NID2: variants seen among roughly 807,000 people sequenced by gnomAD.
NID2 encodes nidogen-2.
In NID2, 83 loss-of-function variants were observed where a neutral mutation model predicts 145.4. That is an observed-to-expected ratio of 0.57 (90% CI 0.48 to 0.69). The LOEUF (loss-of-function observed/expected upper bound fraction) is 0.69. Ranked by LOEUF, NID2 falls within the 30% of genes least tolerant of loss-of-function variation. The pLI, the probability that NID2 is intolerant of heterozygous loss-of-function variation, is 0.00. For missense variants in NID2, 1,807 were observed against 1,765.7 expected, an observed-to-expected ratio of 1.02 and a Z score of -0.42; for synonymous variants, 739 against 701.3, an observed-to-expected ratio of 1.05 and a Z score of -0.85.
chr14:52,030,486 AAAGAAAGAAAGAAAGAGAAAGAAAG>A (rs1566755188), intron 9 of NID2, among the ~76,000 whole-genome samples: 18 of 100,686 alleles, frequency 1.8e-4, no homozygotes, highest in African/African-American at 6.5e-4. Flanking sequence ...GAAAGAAAAG[AAAGAAAGAAAGAAAGAGAAAGAAAG>A]AAAGAAAAGA....
rs139099818 is a variant in NID2 at position 52,058,986 on chromosome 14, G to A, written c.767+1138C>T. Among the ~76,000 whole-genome samples the A allele has an allele frequency of 3.7e-3, 566 of 151,974 alleles. 4 individuals are homozygous for A. The highest frequency in any genetic ancestry group is 0.013 in the African/African-American group (543 of 41,462). On this transcript the variant is annotated intron_variant, in intron 3 of 21. Transcript: ENST00000216286. The stretch of plus-strand genomic sequence containing the variant: ...ATGCCCAATGTGGATCATAAGGATG[G>A]GAAAGGAAACAAGGACTCAGCATAA...
At chr14:52,041,125 TTC>T (rs1192124637) in intron 7 of NID2, among the ~76,000 whole-genome samples, 1 of 152,170 alleles carries the variant, frequency 6.6e-6, no homozygotes, top group African/African-American at 2.4e-5. Context: ...TCCTTGACTT[TTC>T]TCTAAGGTTG....
At chr14:52,030,499 A>AAGAAAGAC (rs1566755287) in intron 9 of NID2, among the ~76,000 whole-genome samples, 1 of 57,714 alleles carries the variant, frequency 1.7e-5, no homozygotes, top group African/African-American at 5.8e-5. Flanking sequence ...GAAAGAAAGA[A>AAGAAAGAC]AGAGAAAGAA....
chr14:52,051,385 C>T (rs1024233425), intron 5 of NID2, among the ~76,000 whole-genome samples: 19 of 152,158 alleles, frequency 1.2e-4, no homozygotes, highest in African/African-American at 4.1e-4. Flanking sequence ...TGAGGAGAGC[C>T]AAGGGTCAAA....
At chr14:52,011,785 A>C in intron 16 of NID2, 102 bp from the exon 17 acceptor site, 1 of 1,367,768 alleles carries the variant, frequency 7.3e-7, no homozygotes, top group Non-Finnish European at 1.0e-6. Flanking sequence ...GCAACACTGC[A>C]CTGTGATCCT....
Position 52,005,792 on chromosome 14 carries a change from T to C in NID2, c.4062A>G (p.Pro1354=), listed in dbSNP as rs753457011. The change falls in exon 21 of 22, where the codon CCA becomes CCG. Residue 1354 remains proline (P), a synonymous_variant. Coordinates refer to ENST00000216286, the MANE Select transcript of NID2 (RefSeq NM_007361.4). ...HSGQFTDEYL[P]EQRSHLYGIT... ...TCCCGTAGAGGTGAGATCGTTGTTC[T>C]GGGAGATACTCATCAGTAAACTGGC... 1.9e-6 allele frequency: 3 copies of C among 1,613,972 alleles called. No homozygotes were observed. The highest frequency in any genetic ancestry group is 1.1e-5 in the South Asian group (1 of 91,072).
chr14:52,032,805 A>AAAAAAAAAAAACAAAAAAC (rs1331095304), intron 9 of NID2, among the ~76,000 whole-genome samples: 8 of 2,308 alleles, frequency 3.5e-3, no homozygotes, highest in African/African-American at 3.7e-3. Context: ...GCATTAAAAG[A>AAAAAAAAAAAACAAAAAAC]AAAAAAAAAA....
At chr14:52,066,287 G>A (rs1021775952) in intron 2 of NID2, among the ~76,000 whole-genome samples, 3 of 151,580 alleles carry the variant, frequency 2.0e-5, no homozygotes, top group East Asian at 1.9e-4. Flanking sequence ...AGGGTAGTAG[G>A]GGTCAGGGGA....
Position 52,041,995 on chromosome 14 carries a change from A to G in NID2, c.1825+110T>C, listed in dbSNP as rs531936958. On this transcript the variant is annotated intron_variant, in intron 7 of 21. Coordinates refer to ENST00000216286, the MANE Select transcript of NID2 (RefSeq NM_007361.4). Reference sequence around the variant, plus strand: ...AACTACACACATGTGGCTCTAGTACATTAAACAAGTGATTCCTCTGTCACT... The same window carrying G: ...AACTACACACATGTGGCTCTAGTACGTTAAACAAGTGATTCCTCTGTCACT... The G allele has an allele frequency of 5.8e-5, 80 of 1,373,130 alleles. No homozygotes were observed. The South Asian group carries it at 1.0e-3, about 18-fold the overall frequency. 85.1% of individuals were successfully genotyped at this position (1,373,130 alleles called of 1,614,324 possible).
intron 5 of NID2, among the ~76,000 whole-genome samples, chr14:52,049,619 A>C (rs765412015): frequency 6.6e-6 from 1 of 152,148 alleles, no homozygotes; most frequent in Non-Finnish European, 1.5e-5. Context: ...AATTCTTCTA[A>C]GTTTTCCCAT....
At chr14:52,014,979 T>C in intron 15 of NID2, 75 bp downstream of exon 15, 1 of 1,258,952 alleles carries the variant, frequency 7.9e-7, no homozygotes, top group Non-Finnish European at 1.1e-6. Flanking sequence ...GTCCCCCCAC[T>C]TCACCACAGC....
chr14:52,016,053 T>C (rs2140355918), intron 14 of NID2, among the ~76,000 whole-genome samples: 1 of 152,236 alleles, frequency 6.6e-6, no homozygotes, highest in East Asian at 1.9e-4. Context: ...TTCCCCCCCT[T>C]TCTCCAGCAT....
intron 14 of NID2, among the ~76,000 whole-genome samples, chr14:52,017,542 C>T (rs1468353782): frequency 6.6e-6 from 1 of 151,300 alleles, no homozygotes; most frequent in Non-Finnish European, 1.5e-5. Context: ...AATCTTGGTT[C>T]CCCCTTTAAA....
intron 9 of NID2, among the ~76,000 whole-genome samples, chr14:52,034,037 G>A (rs1362370423): frequency 6.6e-6 from 1 of 152,192 alleles, no homozygotes; most frequent in Admixed American, 6.5e-5. Context: ...CCATTGGGTA[G>A]AGGTCATTGT....
At position 52,005,199 on chromosome 14, in the gene NID2, A is replaced by C; in HGVS notation, c.*287T>G. The C allele has an allele frequency of 3.4e-6, 1 of 297,862 alleles. No individual in the cohort carries two copies. Among genetic ancestry groups the C allele is most frequent in the Non-Finnish European group, 6.2e-6 (1 of 162,148 alleles). The allele number at this position is 297,862 out of a possible 1,614,324, so 18.5% of individuals were successfully genotyped here. A position where few individuals can be genotyped will look rare whatever the true frequency, so the allele number is the denominator to read the frequency against. ...CTTAGTTGAATGAATTTGATCTTTT[A>C]AATATTAATGATAAATGTTTACAAG... is the stretch of plus-strand genomic sequence containing the variant. On this transcript the variant is annotated 3_prime_UTR_variant, in exon 22 of 22. Transcript: ENST00000216286.
At chr14:52,046,582 AAG>A (rs1393226722) in intron 5 of NID2, among the ~76,000 whole-genome samples, 1 of 151,838 alleles carries the variant, frequency 6.6e-6, no homozygotes, top group African/African-American at 2.4e-5. Flanking sequence ...TCTAAGTAAA[AAG>A]AGGCAGGGCG....
At position 52,042,271 on chromosome 14, in the gene NID2, G is replaced by T. The variant is rs1036990876; in HGVS notation, c.1659C>A (p.Asp553Glu). 1.9e-6 allele frequency: 3 copies of T among 1,614,220 alleles called. No homozygotes were observed. The South Asian group carries it at 3.3e-5, about 18-fold the overall frequency. Residue 553 changes from aspartate to glutamate, a missense_variant, in exon 7 of 22, where the codon GAC (aspartate) becomes GAA (glutamate). Transcript: ENST00000216286. ...CATTGCCCACGATATACGCATGCAG[G>T]TCCACATCAGTGAAGTGCACGGGTG... ...GHTPVHFTDV[D>E]LHAYIVGNDG...
chr14:52,014,840 T>A (rs1256099712), intron 15 of NID2, among the ~76,000 whole-genome samples: 1 of 152,112 alleles, frequency 6.6e-6, no homozygotes, highest in African/African-American at 2.4e-5. Context: ...GAGTTGCAGA[T>A]GTTCCAATTA....
At chr14:52,031,414 T>G (rs61973160) in intron 9 of NID2, among the ~76,000 whole-genome samples, 5,273 of 152,244 alleles carry the variant, frequency 0.035, 136 homozygotes, top group Non-Finnish European at 0.055. Flanking sequence ...TATTTGAGGT[T>G]CTAGCTCAAC....
Sources: gnomAD v4.1 joint callset for allele counts (sites outside exome capture counted in the v4.1 genomes callset) on GRCh38, gnomAD v4.1.1 for gene constraint, MANE v1.5 for transcripts, NCBI Gene and HGNC (gene_info 2026-07-23, HGNC 2026-07-21) for gene names.